ATRN: variants seen among roughly 807,000 people sequenced by gnomAD.
ATRN encodes the protein attractin.
Under a neutral mutation model 178.7 loss-of-function variants are expected in ATRN, and 54 were observed. That is an observed-to-expected ratio of 0.30 (90% confidence interval 0.24 to 0.38). The LOEUF (loss-of-function observed/expected upper bound fraction) is 0.38. ATRN is among the 10% of genes least tolerant of loss of function. The pLI is 1.00. For synonymous variants in ATRN, 636 were observed against 663.0 expected, an observed-to-expected ratio of 0.96 and a Z score of 0.63; for missense variants, 1,443 against 1,815.1, an observed-to-expected ratio of 0.79 and a Z score of 3.73.
intron 4 of ATRN, among the ~76,000 whole-genome samples, chr20:3,546,296 G>C (rs2085699945): frequency 6.6e-6 from 1 of 151,610 alleles, no homozygotes; most frequent in Non-Finnish European, 1.5e-5. Flanking sequence ...TACCTTGATA[G>C]TCCATTTATC....
chr20:3,517,257 G>A (rs889023820), intron 1 of ATRN, among the ~76,000 whole-genome samples: 27 of 151,854 alleles, frequency 1.8e-4, no homozygotes, highest in African/African-American at 6.3e-4. Flanking sequence ...TAATTATTAG[G>A]TTTAAAAAAT....
intron 1 of ATRN, among the ~76,000 whole-genome samples, chr20:3,519,573 A>G (rs1249384353): frequency 1.3e-5 from 2 of 152,146 alleles, no homozygotes; most frequent in African/African-American, 2.4e-5. Context: ...TTTGAATAAT[A>G]TGACTTCCAG....
At chr20:3,624,616 CA>C in intron 25 of ATRN, 44 bp downstream of exon 25, 4 of 1,416,954 alleles carry the variant, frequency 2.8e-6, no homozygotes, top group Non-Finnish European at 4.0e-6. Flanking sequence ...TTGATTTAGG[CA>C]CTAGATCCAT....
intron 8 of ATRN, 135 bp downstream of exon 8, chr20:3,561,040 C>A: frequency 8.3e-7 from 1 of 1,207,164 alleles, no homozygotes; most frequent in Non-Finnish European, 1.2e-6. Context: ...AAACACTGGG[C>A]CCAGGCGTGG....
intron 1 of ATRN, among the ~76,000 whole-genome samples, chr20:3,525,328 A>G (rs2085349041): frequency 6.6e-6 from 1 of 152,028 alleles, no homozygotes; most frequent in African/African-American, 2.4e-5. Context: ...GAACACATAC[A>G]CCCTCCCAAG....
intron 19 of ATRN, among the ~76,000 whole-genome samples, chr20:3,592,692 A>G (rs17782658): frequency 0.038 from 5,804 of 152,200 alleles, 146 homozygotes; most frequent in Non-Finnish European, 0.056. Flanking sequence ...ATCTGATCCA[A>G]GACCAGCCAG....
chr20:3,582,536 A>G (rs1345811706), intron 16 of ATRN, among the ~76,000 whole-genome samples, 182 bp downstream of exon 16: 2 of 152,220 alleles, frequency 1.3e-5, no homozygotes, highest in South Asian at 2.1e-4. Context: ...GGGACCCTGA[A>G]TAGTTTTAAT....
chr20:3,581,971 G>A (rs997250358), intron 15 of ATRN, among the ~76,000 whole-genome samples, 164 bp from the exon 16 acceptor site: 3 of 152,084 alleles, frequency 2.0e-5, no homozygotes, highest in African/African-American at 7.2e-5. Context: ...CAGGCATGGT[G>A]GCTCATGCCT....
At chr20:3,506,994 A>G (rs1299956951) in intron 1 of ATRN, among the ~76,000 whole-genome samples, 1 of 151,392 alleles carries the variant, frequency 6.6e-6, no homozygotes, top group East Asian at 1.9e-4. Flanking sequence ...CACAGAGACA[A>G]AGGAATGAAA....
chr20:3,478,463 G>T (rs933673570), intron 1 of ATRN, among the ~76,000 whole-genome samples: 1 of 152,120 alleles, frequency 6.6e-6, no homozygotes, highest in Non-Finnish European at 1.5e-5. Flanking sequence ...CACAGGAACA[G>T]AAAACCAAAC....
rs766426779 is a variant in ATRN at position 3,547,402 on chromosome 20, C to A, written c.856C>A (p.His286Asn). 1 of 1,613,866 alleles carries A rather than the reference C, an allele frequency of 6.2e-7. No individual in the cohort carries two copies. Among genetic ancestry groups the A allele is most frequent in the Admixed American group, 1.7e-5 (1 of 60,004 alleles). Residue 286 changes from histidine to asparagine, a missense_variant, in exon 5 of 29, where the codon CAC (histidine) becomes AAC (asparagine). Around this residue, in one of 4 missense-constraint regions of ATRN, gnomAD observed 862 missense variants for 972.1 expected, o/e 0.89. Coordinates refer to ENST00000262919, the MANE Select transcript of ATRN (RefSeq NM_139321.3). The stretch of plus-strand genomic sequence containing the variant: ...GAAAGGTGAAGCATGTGACATTCCT[C>A]ACTGTACAGACAACTGTGGTTTTCC... Reference protein sequence around the residue: ...NWKGEACDIPHCTDNCGFPHR... With the variant: ...NWKGEACDIPNCTDNCGFPHR...
At chr20:3,592,655 C>T (rs2086465810) in intron 19 of ATRN, among the ~76,000 whole-genome samples, 2 of 152,138 alleles carry the variant, frequency 1.3e-5, no homozygotes. Flanking sequence ...CAACTCCAAA[C>T]TCTTTGGCAT....
chr20:3,500,853 A>G (rs1278452945), intron 1 of ATRN, among the ~76,000 whole-genome samples: 1 of 152,114 alleles, frequency 6.6e-6, no homozygotes, highest in Non-Finnish European at 1.5e-5. Context: ...AAATTTTTAA[A>G]AAAATTTAAA....
intron 18 of ATRN, among the ~76,000 whole-genome samples, chr20:3,585,571 A>G (rs114836861): frequency 3.2e-4 from 49 of 152,328 alleles, no homozygotes; most frequent in African/African-American, 1.1e-3. Context: ...CTGCAATTCT[A>G]TTTTTAATCT....
At chr20:3,533,136 A>T (rs1219567399) in intron 1 of ATRN, among the ~76,000 whole-genome samples, 1 of 152,212 alleles carries the variant, frequency 6.6e-6, no homozygotes, top group Non-Finnish European at 1.5e-5. Context: ...CCCTGAAGGA[A>T]TTGATGTTCT....
intron 18 of ATRN, among the ~76,000 whole-genome samples, chr20:3,588,199 A>G (rs1332054907): frequency 1.3e-5 from 2 of 152,018 alleles, no homozygotes; most frequent in Non-Finnish European, 2.9e-5. Flanking sequence ...TGGAATGTCT[A>G]TTTATTTACC....
intron 24 of ATRN, among the ~76,000 whole-genome samples, chr20:3,622,214 A>G (rs977441250): frequency 6.6e-6 from 1 of 152,196 alleles, no homozygotes; most frequent in East Asian, 1.9e-4. Context: ...ACAGCCAGGA[A>G]ACTCCTTAGT....
intron 25 of ATRN, among the ~76,000 whole-genome samples, chr20:3,626,044 C>A (rs1398444358): frequency 6.6e-6 from 1 of 152,058 alleles, no homozygotes; most frequent in Non-Finnish European, 1.5e-5. Context: ...CCAGCCTGGA[C>A]AACATGGCAA....
Position 3,549,259 on chromosome 20 carries a change from A to G in ATRN, c.1033A>G (p.Lys345Glu). The G allele has an allele frequency of 6.2e-7, 1 of 1,610,846 alleles. No homozygotes were observed. Among genetic ancestry groups the G allele is most frequent in the Non-Finnish European group, 8.5e-7 (1 of 1,178,606 alleles). ...SNLKLPRASH[K>E]AVVNGNIMWV... Reference sequence around the variant, plus strand: ...CTTAAAGCTCCCCAGAGCATCTCATAAAGCTGTGGTCAATGGAAACATTAT... The same window carrying G: ...CTTAAAGCTCCCCAGAGCATCTCATGAAGCTGTGGTCAATGGAAACATTAT... Residue 345 changes from lysine to glutamate, a missense_variant, in exon 6 of 29, where the codon AAA (lysine) becomes GAA (glutamate). Physicochemically the swap from Lys to Glu is moderately conservative, Grantham distance 56. Around this residue, in one of 4 missense-constraint regions of ATRN, gnomAD observed 862 missense variants for 972.1 expected, o/e 0.89. Transcript: ENST00000262919.
Sources: allele counts gnomAD v4.1 joint callset (sites outside exome capture counted in the v4.1 genomes callset), GRCh38; gene constraint gnomAD v4.1.1; regional missense constraint gnomAD v4.1.1; transcripts MANE v1.5; gene names NCBI Gene and HGNC (gene_info 2026-07-23, HGNC 2026-07-21).